The following DSCAM variants were observed in gnomAD, a reference collection of about 807,000 sequenced individuals.
DSCAM encodes the protein DS cell adhesion molecule, also known as cell adhesion molecule DSCAM.
In DSCAM, 47 loss-of-function variants were observed where a neutral mutation model predicts 217.7. The ratio of observed to expected loss-of-function variants is 0.22; its 90% CI spans 0.17 to 0.28. The LOEUF (loss-of-function observed/expected upper bound fraction) is 0.28. Ranked by LOEUF, DSCAM falls within the 10% of genes least tolerant of loss-of-function variation. The pLI, the probability that DSCAM is intolerant of heterozygous loss-of-function variation, is 1.00. For missense variants in DSCAM, 2,080 were observed against 2,618.3 expected (o/e 0.79, Z 4.49); for synonymous variants, 1,056 against 1,015.3 (o/e 1.04, Z -0.76).
chr21:40,126,338 G>C (rs2090093509), intron 19 of DSCAM, among the ~76,000 whole-genome samples: 1 of 151,922 alleles, frequency 6.6e-6, no homozygotes, highest in Admixed American at 6.6e-5. Flanking sequence ...AAAAAGAAAA[G>C]AAAGAAGAAA....
chr21:40,777,562 A>AATC (rs901781306), intron 1 of DSCAM, among the ~76,000 whole-genome samples: 8 of 152,144 alleles, frequency 5.3e-5, no homozygotes, highest in Admixed American at 3.9e-4. Context: ...AAACGAAAAT[A>AATC]ATCATCATCA....
At chr21:40,809,633 C>T (rs2091820028) in intron 1 of DSCAM, among the ~76,000 whole-genome samples, 1 of 152,222 alleles carries the variant, frequency 6.6e-6, no homozygotes, top group Admixed American at 6.5e-5. Context: ...GCACTTGCTT[C>T]ACTTGGATCT....
chr21:40,434,198 CATT>C (rs1376062102), intron 3 of DSCAM, among the ~76,000 whole-genome samples: 1 of 152,150 alleles, frequency 6.6e-6, no homozygotes, highest in Non-Finnish European at 1.5e-5. Context: ...TATTCTCAAA[CATT>C]AATGCCACAC....
At chr21:40,421,231 C>T (rs768174212) in intron 3 of DSCAM, among the ~76,000 whole-genome samples, 1 of 152,180 alleles carries the variant, frequency 6.6e-6, no homozygotes, top group Admixed American at 6.5e-5. Context: ...ATCCTTCACT[C>T]CACCATTCCT....
chr21:40,070,389 AGGAAG>A lies in DSCAM; in HGVS notation c.4888+4643_4888+4647del, dbSNP rs528054582. On this transcript the variant is annotated intron_variant, in intron 27 of 32. Coordinates refer to ENST00000400454, the MANE Select transcript of DSCAM (RefSeq NM_001389.5). ...GGAGGGAAGGAGAGAAAAGCAAGGA[AGGAAG>A]GAAAAGAAAAGAAAAGAAAAGAAAA... is the stretch of plus-strand genomic sequence containing the variant. Among the ~76,000 whole-genome samples, 876 of 145,708 alleles carry A rather than the reference AGGAAG, an allele frequency of 6.0e-3. 15 individuals are homozygous for A. The highest frequency in any genetic ancestry group is 0.021 in the African/African-American group (839 of 40,268).
chr21:40,638,009 A>AT (rs2089829781), intron 3 of DSCAM, among the ~76,000 whole-genome samples: 1 of 152,044 alleles, frequency 6.6e-6, no homozygotes. Flanking sequence ...TAGAATTCTC[A>AT]TTTTAGATCC....
chr21:40,341,109 G>C (rs1432058370), intron 6 of DSCAM, among the ~76,000 whole-genome samples: 4 of 152,134 alleles, frequency 2.6e-5, no homozygotes, highest in African/African-American at 9.7e-5. Flanking sequence ...AGTGTCCTTG[G>C]GTTGTAAGCA....
chr21:40,496,751 G>T (rs1383778860), intron 3 of DSCAM, among the ~76,000 whole-genome samples: 1 of 151,968 alleles, frequency 6.6e-6, no homozygotes, highest in Non-Finnish European at 1.5e-5. Context: ...TCTGATAAGG[G>T]ATTAATATCT....
rs570069057 is a variant in DSCAM at position 40,501,204 on chromosome 21, ATAT to A, written c.509-131962_509-131960del. On this transcript the variant is annotated intron_variant, in intron 3 of 32. Transcript: ENST00000400454. The stretch of plus-strand genomic sequence containing the variant: ...AATATTTGGAATATACTCACACTAA[ATAT>A]TATGTTTTGTTTATCAGGAATTCAA... Among the ~76,000 whole-genome samples the A allele has an allele frequency of 3.4e-3, 518 of 152,284 alleles. 3 individuals carry two copies. The highest frequency in any genetic ancestry group is 6.1e-3 in the Non-Finnish European group (412 of 68,024).
intron 20 of DSCAM, among the ~76,000 whole-genome samples, chr21:40,118,275 C>T (rs1302427698): frequency 6.6e-6 from 1 of 152,118 alleles, no homozygotes; most frequent in Non-Finnish European, 1.5e-5. Flanking sequence ...TTTGATTCTC[C>T]AGGGGAGGAC....
intron 3 of DSCAM, among the ~76,000 whole-genome samples, chr21:40,509,088 T>C (rs1026686829): frequency 6.6e-6 from 1 of 152,136 alleles, no homozygotes; most frequent in Non-Finnish European, 1.5e-5. Context: ...TTGTTTCCTC[T>C]TTGTACAAAA....
Position 40,085,674 on chromosome 21 carries a change from A to T in DSCAM, c.4060T>A (p.Ser1354Thr). Residue 1354 changes from serine to threonine, a missense_variant, in exon 23 of 33, where the codon TCC becomes ACC. Coordinates refer to ENST00000400454, the MANE Select transcript of DSCAM (RefSeq NM_001389.5). Reference sequence around the variant, plus strand: ...TTGGCAATGCAGCTGTAATAGCCGGAGTCTTCTGCTTTCACCGTGCGAATA... The same window carrying T: ...TTGGCAATGCAGCTGTAATAGCCGGTGTCTTCTGCTTTCACCGTGCGAATA... ...FIIRTVKAEDSGYYSCIANNN... is the reference protein window; with the variant it reads ...FIIRTVKAEDTGYYSCIANNN... 1 of 1,596,592 alleles carries T rather than the reference A, an allele frequency of 6.3e-7. No individual in the cohort carries two copies. Among genetic ancestry groups the T allele is most frequent in the Non-Finnish European group, 8.6e-7 (1 of 1,166,248 alleles).
intron 3 of DSCAM, among the ~76,000 whole-genome samples, chr21:40,678,643 A>C (rs55900709): frequency 0.43 from 64,728 of 151,964 alleles, 14,028 homozygotes; most frequent in Non-Finnish European, 0.45. Context: ...GCTTCTCCAC[A>C]CAGAAATTCT....
At chr21:40,396,475 T>C (rs78140159) in intron 3 of DSCAM, among the ~76,000 whole-genome samples, 7,223 of 152,042 alleles carry the variant, frequency 0.048, 262 homozygotes, top group Non-Finnish European at 0.07. Flanking sequence ...TAATGGAGGG[T>C]GAGCAGGTGA....
intron 3 of DSCAM, among the ~76,000 whole-genome samples, chr21:40,385,548 C>T (rs901045721): frequency 3.3e-5 from 5 of 152,182 alleles, no homozygotes; most frequent in South Asian, 4.1e-4. Flanking sequence ...CGTACTAATA[C>T]GTCTACCTAG....
At chr21:40,322,358 T>G (rs2074268615) in intron 8 of DSCAM, among the ~76,000 whole-genome samples, 1 of 152,168 alleles carries the variant, frequency 6.6e-6, no homozygotes, top group African/African-American at 2.4e-5. Flanking sequence ...AAAAAACATC[T>G]TAGCACTCAC....
chr21:40,113,262 G>T (rs576248279), intron 20 of DSCAM, among the ~76,000 whole-genome samples: 1 of 152,096 alleles, frequency 6.6e-6, no homozygotes, highest in Non-Finnish European at 1.5e-5. Context: ...TTCAGCATAC[G>T]CAAATCAATA....
At chr21:40,100,815 T>C (rs2089740671) in intron 20 of DSCAM, among the ~76,000 whole-genome samples, 1 of 152,220 alleles carries the variant, frequency 6.6e-6, no homozygotes. Flanking sequence ...AATATTTAAA[T>C]ATTTCATTTT....
intron 1 of DSCAM, among the ~76,000 whole-genome samples, chr21:40,730,957 A>T (rs1041495417): frequency 2.6e-5 from 4 of 152,114 alleles, no homozygotes; most frequent in African/African-American, 9.7e-5. Flanking sequence ...CTACCTAAAG[A>T]CCTATTTTTA....
Sources: gnomAD v4.1 joint callset for allele counts (sites outside exome capture counted in the v4.1 genomes callset) on GRCh38, gnomAD v4.1.1 for gene constraint, MANE v1.5 for transcripts, NCBI Gene and HGNC (gene_info 2026-07-23, HGNC 2026-07-21) for gene names.